Variants in ZNF678 observed in about 807,000 individuals in gnomAD.
ZNF678 encodes hypothetical protein MGC42493.
ZNF678 carries 5 observed loss-of-function variants against 3.0 expected under a neutral mutation model. The observed-to-expected ratio is 1.69, with a 90% CI of 0.88 to 3.56. The LOEUF is 3.56. Among genes scored for constraint, ZNF678 ranks in the 30% most tolerant of loss-of-function variants. ZNF678 has a pLI of 0.00. For missense variants in ZNF678, 593 were observed against 605.0 expected (o/e 0.98, Z 0.21); for synonymous variants, 218 against 199.6 (o/e 1.09, Z -0.78).
At chr1:227,628,735 AAC>A (rs1658477956) in intron 1 of ZNF678, among the ~76,000 whole-genome samples, 1 of 152,228 alleles carries the variant, frequency 6.6e-6, no homozygotes, top group African/African-American at 2.4e-5. Flanking sequence ...AAGGTTTCTG[AAC>A]AGGTGGCTAA....
chr1:227,672,491 G>A (rs1209849043), intron 5 of ZNF678, among the ~76,000 whole-genome samples: 1 of 152,116 alleles, frequency 6.6e-6, no homozygotes, highest in Non-Finnish European at 1.5e-5. Flanking sequence ...GCATGTTGGA[G>A]CTGATGCGAT....
At chr1:227,592,630 A>T (rs1443914970) in intron 1 of ZNF678, among the ~76,000 whole-genome samples, 2 of 152,196 alleles carry the variant, frequency 1.3e-5, no homozygotes, top group Non-Finnish European at 2.9e-5. Context: ...ATTAACTGTC[A>T]CCCACTAAAA....
intron 1 of ZNF678, among the ~76,000 whole-genome samples, chr1:227,615,562 A>G (rs867915872): frequency 1.1e-4 from 16 of 152,278 alleles, no homozygotes; most frequent in African/African-American, 3.9e-4. Context: ...CTCACAGTCA[A>G]GCAACTCCGA....
chr1:227,656,216 A>T lies in ZNF678; in HGVS notation c.*388A>T, dbSNP rs1306398711. 6.5e-6 allele frequency: 1 copy of T among 154,606 alleles called. No homozygotes were observed. The highest frequency in any genetic ancestry group is 1.4e-5 in the Non-Finnish European group (1 of 69,824). 9.6% of individuals were successfully genotyped at this position (154,606 alleles called of 1,614,324 possible). On this transcript the variant is annotated 3_prime_UTR_variant, in exon 4 of 4. Transcript: ENST00000343776. ...CAAATGTCCAAAATTAAGTCTAAAT[A>T]AAACATTACATAATTTACTGTAGAA...
chr1:227,587,213 T>C (rs1382859755), intron 1 of ZNF678, among the ~76,000 whole-genome samples: 1 of 152,106 alleles, frequency 6.6e-6, no homozygotes. Flanking sequence ...ATAGGCCATC[T>C]TTATCCCATG....
intron 1 of ZNF678, among the ~76,000 whole-genome samples, chr1:227,601,546 T>C (rs1373833024): frequency 6.6e-6 from 1 of 151,560 alleles, no homozygotes; most frequent in Non-Finnish European, 1.5e-5. Flanking sequence ...CTGTTGGCTT[T>C]ATAATTTTAT....
At chr1:227,670,657 A>G (rs911923118) in intron 5 of ZNF678, among the ~76,000 whole-genome samples, 1 of 152,038 alleles carries the variant, frequency 6.6e-6, no homozygotes. Flanking sequence ...AAAGGTCTCA[A>G]GTGGAAGCTG....
chr1:227,585,201 CTAGATCTGT>C (rs1657227051), intron 1 of ZNF678, among the ~76,000 whole-genome samples: 1 of 152,152 alleles, frequency 6.6e-6, no homozygotes, highest in Admixed American at 6.6e-5. Context: ...CGTTTTCTGT[CTAGATCTGT>C]TATGTTAAAC....
intron 1 of ZNF678, among the ~76,000 whole-genome samples, chr1:227,574,878 G>A (rs989906798): frequency 2.0e-5 from 3 of 152,072 alleles, no homozygotes; most frequent in Non-Finnish European, 2.9e-5. Context: ...TTCTGCAAAC[G>A]GCTAGCCAGT....
In ZNF678 at chr1:227,654,376, G is replaced by C; in HGVS notation, c.126G>C (p.Gln42His). The C allele has an allele frequency of 6.3e-7, 1 of 1,598,056 alleles. No homozygotes were observed. Among genetic ancestry groups the C allele is most frequent in the Non-Finnish European group, 8.5e-7 (1 of 1,173,536 alleles). ...CCATTCAAGACCTTTTGCCAGAGCA[G>C]GATATGAAAGATTTATGCCAAAAAG... ...SYSIQDLLPE[Q>H]DMKDLCQKVT... is the part of the protein sequence containing the mutation. Residue 42 changes from glutamine (Q) to histidine (H), a missense_variant, in exon 4 of 4, where the codon CAG (glutamine) becomes CAC (histidine). Physicochemically the swap from Gln to His is conservative, Grantham distance 24. Coordinates refer to ENST00000343776, the MANE Select transcript of ZNF678 (RefSeq NM_001367909.1).
Position 227,563,708 on chromosome 1 carries a change from CCG to C in ZNF678, c.-179_-178del. On this transcript the variant is annotated 5_prime_UTR_variant, in exon 1 of 4. An upstream open reading frame in the 5' UTR gains an earlier in-frame stop. Coordinates refer to ENST00000343776, the MANE Select transcript of ZNF678 (RefSeq NM_001367909.1). ...TACATAGCTAAGATGCCAGGACACCCCGAAAGCCGGAAAACGGTGAGAGTTCC... is the reference window on the plus strand; with the variant it reads ...TACATAGCTAAGATGCCAGGACACCCAAAGCCGGAAAACGGTGAGAGTTCC... The C allele has an allele frequency of 7.5e-7, 1 of 1,331,906 alleles. No homozygotes were observed. Among genetic ancestry groups the C allele is most frequent in the South Asian group, 1.2e-5 (1 of 83,398 alleles). 82.5% of individuals were successfully genotyped at this position (1,331,906 alleles called of 1,614,324 possible). A position where few individuals can be genotyped will look rare whatever the true frequency, so the allele number is the denominator to read the frequency against.
chr1:227,569,817 T>A (rs1656788659), intron 1 of ZNF678, among the ~76,000 whole-genome samples: 1 of 152,196 alleles, frequency 6.6e-6, no homozygotes, highest in Non-Finnish European at 1.5e-5. Context: ...CTTCCAGTTC[T>A]ATGTTCAAAT....
downstream of ZNF678, among the ~76,000 whole-genome samples, chr1:227,662,995 A>C (rs1236962625): frequency 6.6e-6 from 1 of 152,212 alleles, no homozygotes; most frequent in Admixed American, 6.5e-5. Flanking sequence ...AATTAAGGTT[A>C]AGTGAGTTTA....
At chr1:227,593,864 C>A (rs56390726) in intron 1 of ZNF678, among the ~76,000 whole-genome samples, 17 of 129,906 alleles carry the variant, frequency 1.3e-4, no homozygotes, top group African/African-American at 4.4e-4. Context: ...ATCCCCCCCC[C>A]CCCTTTTTTT....
downstream of ZNF678, among the ~76,000 whole-genome samples, chr1:227,678,316 G>A (rs1659717159): frequency 6.6e-6 from 1 of 152,208 alleles, no homozygotes; most frequent in South Asian, 2.1e-4. Context: ...TACACTGTAT[G>A]TTGGTTCTAT....
chr1:227,672,471 T>A (rs1488978955), intron 5 of ZNF678, among the ~76,000 whole-genome samples: 1 of 151,888 alleles, frequency 6.6e-6, no homozygotes, highest in Non-Finnish European at 1.5e-5. Flanking sequence ...GCAGAGGGAA[T>A]AAATTTAGGG....
intron 1 of ZNF678, among the ~76,000 whole-genome samples, chr1:227,625,159 T>C (rs1658377769): frequency 6.6e-6 from 1 of 152,154 alleles, no homozygotes; most frequent in South Asian, 2.1e-4. Flanking sequence ...ACTACCTAAT[T>C]GGTTGGGTGT....
intron 1 of ZNF678, among the ~76,000 whole-genome samples, chr1:227,576,532 A>T (rs1161956627): frequency 6.6e-6 from 1 of 152,186 alleles, no homozygotes; most frequent in Non-Finnish European, 1.5e-5. Flanking sequence ...ATGTGCATAG[A>T]GGCATACATA....
In ZNF678 at chr1:227,564,718, G is replaced by A. The variant is rs894557021; in HGVS notation, c.-164+994G>A. Reference sequence around the variant, plus strand: ...TTGGAGGGCACTCTTTGTTGTTGCTGTTGTTGTTTTGTTTGTTTTTGTTTT... The same window carrying A: ...TTGGAGGGCACTCTTTGTTGTTGCTATTGTTGTTTTGTTTGTTTTTGTTTT... On this transcript the variant is annotated intron_variant, in intron 1 of 3. Transcript: ENST00000343776. Among the ~76,000 whole-genome samples the A allele has an allele frequency of 2.0e-5, 3 of 152,142 alleles. No individual in the cohort carries two copies. The South Asian group carries it at 6.2e-4, about 32-fold the overall frequency.
Sources: allele counts gnomAD v4.1 joint callset (sites outside exome capture counted in the v4.1 genomes callset), GRCh38; gene constraint gnomAD v4.1.1; transcripts MANE v1.5; gene names NCBI Gene and HGNC (gene_info 2026-07-23, HGNC 2026-07-21).